GEMIN5: variants seen among roughly 807,000 people sequenced by gnomAD.
GEMIN5 encodes gem-associated protein 5.
GEMIN5 carries 124 observed loss-of-function variants against 176.9 expected under a neutral mutation model. That is an observed-to-expected ratio of 0.70 (90% CI 0.61 to 0.81). GEMIN5 has a LOEUF of 0.81. GEMIN5 is among the 40% of genes least tolerant of loss of function. GEMIN5 has a pLI of 0.00. For missense variants in GEMIN5, 1,843 were observed against 1,814.6 expected, an observed-to-expected ratio of 1.02 and a Z score of -0.28; for synonymous variants, 673 against 665.2, an observed-to-expected ratio of 1.01 and a Z score of -0.18.
chr5:154,894,466 T>C (rs988972361), intron 24 of GEMIN5, among the ~76,000 whole-genome samples: 6 of 152,234 alleles, frequency 3.9e-5, no homozygotes, highest in South Asian at 4.1e-4. Context: ...CATGTGCATG[T>C]TTAACTTTAT....
intron 24 of GEMIN5, among the ~76,000 whole-genome samples, chr5:154,893,116 CA>C (rs1561708485): frequency 6.9e-6 from 1 of 144,776 alleles, no homozygotes; most frequent in South Asian, 2.2e-4. Context: ...AAACAAACAA[CA>C]AAAACAAAAA....
intron 3 of GEMIN5, among the ~76,000 whole-genome samples, chr5:154,933,011 A>G (rs1331539456): frequency 1.3e-5 from 2 of 152,244 alleles, no homozygotes; most frequent in Admixed American, 6.5e-5. Context: ...CTGTCATTTT[A>G]TGAATTCAAA....
At position 154,907,823 on chromosome 5, in the gene GEMIN5, A is replaced by G; in HGVS notation, c.2168-5T>C. On this transcript the variant is annotated splice_region_variant and splice_polypyrimidine_tract_variant and intron_variant, in intron 15 of 27. Transcript: ENST00000285873. ...CCAATTCAATACTTTTTTTGCCTAC[A>G]AGAATCACAATAAAGGACTGACTAA... The G allele has an allele frequency of 1.9e-6, 3 of 1,604,552 alleles. No individual in the cohort carries two copies. Among genetic ancestry groups the G allele is most frequent in the Middle Eastern group, 1.7e-4 (1 of 6,044 alleles).
chr5:154,914,083 C>T (rs1483143450), intron 13 of GEMIN5, among the ~76,000 whole-genome samples: 4 of 152,038 alleles, frequency 2.6e-5, no homozygotes, highest in Non-Finnish European at 4.4e-5. Flanking sequence ...TGCAATGGCA[C>T]GATCTCGGCT....
In GEMIN5 at chr5:154,904,602, C is replaced by A. The variant is rs372761872; in HGVS notation, c.2537G>T (p.Arg846Leu). The A allele has an allele frequency of 1.2e-6, 2 of 1,611,556 alleles. No individual in the cohort carries two copies. Among genetic ancestry groups the A allele is most frequent in the South Asian group, 2.2e-5 (2 of 91,022 alleles). ...PETLIKKRKA[R>L]SLLPLSTSLD... ...GCTTGTACTCAGGGGAAGCAAGGAA[C>A]GAGCTTTTCTCTTCTTGATTAAGGT... The change falls in exon 18 of 28, where the codon CGT becomes CTT. Residue 846 changes from arginine to leucine, a missense_variant. Arg to Leu is a moderately radical substitution (Grantham distance 102). Transcript: ENST00000285873.
intron 13 of GEMIN5, among the ~76,000 whole-genome samples, chr5:154,915,820 G>C (rs1291254129): frequency 6.6e-6 from 1 of 152,142 alleles, no homozygotes; most frequent in African/African-American, 2.4e-5. Flanking sequence ...TTTTTGGAGA[G>C]CCGCTTAGCA....
At position 154,925,844 on chromosome 5, in the gene GEMIN5, C is replaced by CA. The variant is rs568962795; in HGVS notation, c.1293+17dup. On this transcript the variant is annotated intron_variant, in intron 8 of 27. Coordinates refer to ENST00000285873, the MANE Select transcript of GEMIN5 (RefSeq NM_015465.5). ...GAAAAAAAAAAGTTCAAAACAAGCT[C>CA]AAAAAAAGAATCCTTACCGCTGTAA... 9.5e-3 allele frequency: 14,021 copies of CA among 1,480,620 alleles called. 90 individuals carry two copies. Among genetic ancestry groups the CA allele is most frequent in the Non-Finnish European group, 0.011 (12,262 of 1,069,942 alleles). 91.7% of individuals were successfully genotyped at this position (1,480,620 alleles called of 1,614,324 possible).
rs1299662212 is a variant in GEMIN5, at chr5:154,924,478, T to A, written c.1370A>T (p.Tyr457Phe). 1 of 1,604,380 alleles carries A rather than the reference T, an allele frequency of 6.2e-7. No homozygotes were observed. The highest frequency in any genetic ancestry group is 1.3e-5 in the African/African-American group (1 of 74,676). ...DDGKVGLYDT[Y>F]SNKPPQISST... ...ATCACCCATTTCTTACTTGTTGGAG[T>A]AGGTGTCATACAATCCCACTTTTCC... The change falls in exon 9 of 28, where the codon TAC becomes TTC. Residue 457 changes from tyrosine (Y) to phenylalanine (F), a missense_variant. Coordinates refer to ENST00000285873, the MANE Select transcript of GEMIN5 (RefSeq NM_015465.5).
Position 154,932,235 on chromosome 5 carries a change from T to C in GEMIN5, c.525A>G (p.Ile175Met). The C allele has an allele frequency of 6.2e-7, 1 of 1,606,466 alleles. No homozygotes were observed. Among genetic ancestry groups the C allele is most frequent in the African/African-American group, 1.3e-5 (1 of 74,716 alleles). The change falls in exon 4 of 28, where the codon ATA becomes ATG. Residue 175 changes from isoleucine (I) to methionine (M), a missense_variant. Ile to Met is a conservative substitution (Grantham distance 10). Coordinates refer to ENST00000285873, the MANE Select transcript of GEMIN5 (RefSeq NM_015465.5). The stretch of plus-strand genomic sequence containing the variant: ...TCTTACTGATGTCAATTATCACCAC[T>C]ATGCCATCCTTGTAGCTAAAAAACA... The part of the protein sequence containing the change: ...DLVAIGYKDG[I>M]VVIIDISKKG...
intron 18 of GEMIN5, 106 bp downstream of exon 18, chr5:154,904,401 A>C (rs1308551954): frequency 9.8e-7 from 1 of 1,018,858 alleles, no homozygotes; most frequent in Non-Finnish European, 1.5e-6. Context: ...AAATACAGAA[A>C]ACAATTTAGA....
chr5:154,899,201 C>G lies in GEMIN5; in HGVS notation c.3124G>C (p.Ala1042Pro), dbSNP rs1763415646. The G allele has an allele frequency of 1.2e-6, 2 of 1,611,474 alleles. No homozygotes were observed. The highest frequency in any genetic ancestry group is 1.7e-6 in the Non-Finnish European group (2 of 1,178,788). Residue 1042 changes from alanine to proline, a missense_variant, in exon 22 of 28, where the codon GCT becomes CCT. Ala to Pro is a conservative substitution (Grantham distance 27). Transcript: ENST00000285873. ...VLERDGHYAV[A>P]AKCYLGATCA... ...ACTCCTCAGGCTTACCATTTGGCAG[C>G]TACAGCATAGTGGCCATCTCTTTCT...
intron 5 of GEMIN5, among the ~76,000 whole-genome samples, 196 bp downstream of exon 5, chr5:154,931,262 A>G (rs1764155118): frequency 6.6e-6 from 1 of 152,246 alleles, no homozygotes; most frequent in Non-Finnish European, 1.5e-5. Flanking sequence ...ATGCATGGGA[A>G]ATACTAATCT....
intron 24 of GEMIN5, among the ~76,000 whole-genome samples, chr5:154,894,984 C>G (rs182579083): frequency 8.5e-4 from 129 of 151,582 alleles, no homozygotes; most frequent in Non-Finnish European, 1.7e-3. Flanking sequence ...AAGGCTGAGG[C>G]AGGAGAATTG....
chr5:154,927,193 T>C (rs1764058637), intron 7 of GEMIN5, among the ~76,000 whole-genome samples, 192 bp downstream of exon 7: 1 of 152,182 alleles, frequency 6.6e-6, no homozygotes, highest in African/African-American at 2.4e-5. Context: ...CAAAAAACTA[T>C]TTTGGTGGGT....
chr5:154,920,938 G>C (rs1299446005), intron 10 of GEMIN5, among the ~76,000 whole-genome samples: 2 of 152,150 alleles, frequency 1.3e-5, no homozygotes, highest in Non-Finnish European at 2.9e-5. Flanking sequence ...GAAACTCTAA[G>C]TTTGCTTTTC....
intron 7 of GEMIN5, among the ~76,000 whole-genome samples, chr5:154,926,702 C>T (rs1249405667): frequency 6.6e-6 from 1 of 152,216 alleles, no homozygotes. Context: ...AATCTTTTGG[C>T]TTTCTGGGGC....
At chr5:154,898,292 A>T in intron 23 of GEMIN5, 148 bp downstream of exon 23, 1 of 698,290 alleles carries the variant, frequency 1.4e-6, no homozygotes, top group Non-Finnish European at 2.6e-6. Flanking sequence ...AACAAGTCAT[A>T]GTACTTCAGT....
rs569200090 is a variant in GEMIN5, at chr5:154,930,207, C to T, written c.781+1251G>A. ...TACCCCGGCACTCTCTTTAAATCAG[C>T]GAATCAGAATTAGTTTAGCCTGTGC... On this transcript the variant is annotated intron_variant, in intron 5 of 27. Transcript: ENST00000285873. Among the ~76,000 whole-genome samples the T allele has an allele frequency of 5.3e-5, 8 of 152,266 alleles. No individual in the cohort carries two copies. In the East Asian group the frequency reaches 7.7e-4, roughly 15 times the overall value.
chr5:154,904,511 G>A lies in GEMIN5; in HGVS notation c.2628C>T (p.Ser876=). Residue 876 remains serine, a synonymous_variant, in exon 18 of 28, where the codon TCC becomes TCT. Coordinates refer to ENST00000285873, the MANE Select transcript of GEMIN5 (RefSeq NM_015465.5). ...CAAGGAAGTACATTTTTGTACCTCT[G>A]GAGTGCTTTGCAGTTGCTAGTACCA... The part of the protein sequence containing the change: ...DCLVLATAKH[S]RELNEDVSAD... 6.2e-7 allele frequency: 1 copy of A among 1,613,490 alleles called. No individual in the cohort carries two copies. Among genetic ancestry groups the A allele is most frequent in the South Asian group, 1.1e-5 (1 of 91,056 alleles).
Sources: gnomAD v4.1 joint callset for allele counts (sites outside exome capture counted in the v4.1 genomes callset) on GRCh38, gnomAD v4.1.1 for gene constraint, MANE v1.5 for transcripts, NCBI Gene and HGNC (gene_info 2026-07-23, HGNC 2026-07-21) for gene names.